The following ELP3 variants were observed in gnomAD, a reference collection of about 807,000 sequenced individuals.
ELP3 encodes the protein elongator acetyltransferase complex subunit 3.
Under a neutral mutation model 74.9 loss-of-function variants are expected in ELP3, and 56 were observed. The observed-to-expected ratio is 0.75, with a 90% CI of 0.60 to 0.93. The LOEUF is 0.93. Ranked by LOEUF, ELP3 falls within the 40% of genes least tolerant of loss-of-function variation. ELP3 has a pLI of 0.00. For missense variants in ELP3, 573 were observed against 686.5 expected (o/e 0.83, Z 1.85); for synonymous variants, 222 against 239.8 (o/e 0.93, Z 0.68).
Position 28,135,010 on chromosome 8 carries a change from C to T in ELP3, c.906+2606C>T, listed in dbSNP as rs557300513. Among the ~76,000 whole-genome samples, 5 of 152,086 alleles carry T rather than the reference C, an allele frequency of 3.3e-5. No homozygotes were observed. The East Asian group carries it at 7.7e-4, about 24-fold the overall frequency. ...ATGGCACGATCTTGGCTCACTGCAA[C>T]CTCTGCCTCCCGGGTTCAAGCAATT... On this transcript the variant is annotated intron_variant, in intron 9 of 14. Coordinates refer to ENST00000256398, the MANE Select transcript of ELP3 (RefSeq NM_018091.6).
At chr8:28,093,503 C>T (rs1174922585) in intron 1 of ELP3, 4 of 549,260 alleles carry the variant, frequency 7.3e-6, no homozygotes, top group Non-Finnish European at 1.3e-5. Flanking sequence ...CAATATATGC[C>T]CTCCGAGGAG....
intron 14 of ELP3, among the ~76,000 whole-genome samples, chr8:28,180,919 C>T (rs1459093815): frequency 6.6e-6 from 1 of 152,168 alleles, no homozygotes; most frequent in Admixed American, 6.5e-5. Context: ...ACGGAAGCAA[C>T]TCTGCCTCTC....
chr8:28,114,341 G>A lies in ELP3; in HGVS notation c.617+1168G>A, dbSNP rs574243911. 1.1e-4 allele frequency among the ~76,000 whole-genome samples: 17 copies of A among 152,198 alleles called. No individual in the cohort carries two copies. In the South Asian group the frequency reaches 3.5e-3, roughly 32 times the overall value. ...TTAATCCATTTGTGTCCCTATAAAG[G>A]AACACCTAAGACTAGGTAAGTTATA... On this transcript the variant is annotated intron_variant, in intron 7 of 14. Coordinates refer to ENST00000256398, the MANE Select transcript of ELP3 (RefSeq NM_018091.6).
intron 14 of ELP3, among the ~76,000 whole-genome samples, chr8:28,184,332 C>T (rs766520004): frequency 3.3e-5 from 5 of 152,144 alleles, no homozygotes; most frequent in Non-Finnish European, 7.3e-5. Flanking sequence ...AGGCCTGCTG[C>T]GTCTTATTGA....
At chr8:28,188,133 C>G (rs978943604) in intron 14 of ELP3, among the ~76,000 whole-genome samples, 6 of 152,132 alleles carry the variant, frequency 3.9e-5, no homozygotes, top group Admixed American at 3.3e-4. Flanking sequence ...TGCTGCTGAT[C>G]GCTCTCCCCG....
chr8:28,116,342 A>G (rs1325043989), intron 7 of ELP3, among the ~76,000 whole-genome samples: 1 of 152,188 alleles, frequency 6.6e-6, no homozygotes, highest in African/African-American at 2.4e-5. Context: ...GCAACAGGTG[A>G]ATTCTGTGTC....
rs565108869 is a variant in ELP3, at chr8:28,120,700, C to T, written c.617+7527C>T. ...AGCTTTCACTTACAGGTTTATGTTC[C>T]ATCTTGAATTAATTCTTATGTGTAA... On this transcript the variant is annotated intron_variant, in intron 7 of 14. Coordinates refer to ENST00000256398, the MANE Select transcript of ELP3 (RefSeq NM_018091.6). 1.4e-3 allele frequency among the ~76,000 whole-genome samples: 216 copies of T among 152,224 alleles called. 2 individuals carry two copies. The highest frequency in any genetic ancestry group is 4.7e-3 in the African/African-American group (195 of 41,536).
At chr8:28,143,197 G>A (rs1813311397) in intron 10 of ELP3, among the ~76,000 whole-genome samples, 2 of 152,182 alleles carry the variant, frequency 1.3e-5, no homozygotes, top group Non-Finnish European at 2.9e-5. Flanking sequence ...GAGATTTCAC[G>A]TTCTAGTCAA....
rs1563249918 is a variant in ELP3 at position 28,106,790 on chromosome 8, A to AT, written c.329+8dup. 6.2e-7 allele frequency: 1 copy of AT among 1,609,190 alleles called. No homozygotes were observed. The highest frequency in any genetic ancestry group is 8.5e-7 in the Non-Finnish European group (1 of 1,177,126). ...TTACAGGAAATATATGTGTGTAAGT[A>AT]TGGTGATTTTATTAAATTGTATGTA... On this transcript the variant is annotated splice_region_variant and intron_variant, in intron 4 of 14. Coordinates refer to ENST00000256398, the MANE Select transcript of ELP3 (RefSeq NM_018091.6).
intron 14 of ELP3, among the ~76,000 whole-genome samples, chr8:28,188,328 C>G (rs1815322694): frequency 1.3e-5 from 2 of 151,772 alleles, no homozygotes; most frequent in African/African-American, 4.8e-5. Flanking sequence ...CTCCTAAAAC[C>G]CTTGTAATTT....
intron 10 of ELP3, among the ~76,000 whole-genome samples, chr8:28,151,635 A>G (rs1813645212): frequency 6.6e-6 from 1 of 152,200 alleles, no homozygotes; most frequent in Admixed American, 6.5e-5. Flanking sequence ...CAGTGAGCCT[A>G]TGCCCCTGGA....
At chr8:28,108,012 G>T (rs749204824) in intron 5 of ELP3, 36 bp downstream of exon 5, 2 of 1,541,474 alleles carry the variant, frequency 1.3e-6, no homozygotes, top group South Asian at 2.2e-5. Context: ...ATGAAATGTT[G>T]CATCATGCTT....
chr8:28,141,897 A>G (rs1028217147), intron 10 of ELP3, among the ~76,000 whole-genome samples: 3 of 152,210 alleles, frequency 2.0e-5, no homozygotes, highest in Non-Finnish European at 4.4e-5. Context: ...ATAGTTAGCA[A>G]TTTCACATCC....
chr8:28,154,144 C>A (rs1340286711), intron 10 of ELP3, among the ~76,000 whole-genome samples: 1 of 152,102 alleles, frequency 6.6e-6, no homozygotes, highest in Non-Finnish European at 1.5e-5. Context: ...TAGTGCTGTC[C>A]ATGAGTTATA....
upstream of ELP3, chr8:28,092,862 T>C (rs1337088671): frequency 7.0e-6 from 2 of 287,668 alleles, no homozygotes; most frequent in Non-Finnish European, 1.3e-5. Context: ...TTCCACCCTT[T>C]CACTTAGGCT....
intron 7 of ELP3, among the ~76,000 whole-genome samples, chr8:28,119,718 C>T (rs994598619): frequency 3.3e-5 from 5 of 149,972 alleles, no homozygotes; most frequent in East Asian, 1.9e-4. Context: ...AGAATGTCAC[C>T]GTCATCCCAG....
chr8:28,115,793 A>G (rs1208302155), intron 7 of ELP3, among the ~76,000 whole-genome samples: 1 of 152,148 alleles, frequency 6.6e-6, no homozygotes, highest in Non-Finnish European at 1.5e-5. Context: ...GTATGTGCAC[A>G]TGTGTGTGCA....
chr8:28,097,804 G>C (rs546330743), intron 2 of ELP3, among the ~76,000 whole-genome samples: 1 of 152,308 alleles, frequency 6.6e-6, no homozygotes, highest in African/African-American at 2.4e-5. Flanking sequence ...TGCATTGTAT[G>C]TATTAGCTCA....
rs10089459 is a variant in ELP3 at position 28,121,327 on chromosome 8, T to A, written c.617+8154T>A. On this transcript the variant is annotated intron_variant, in intron 7 of 14. Transcript: ENST00000256398. ...AAATTTTATTATTATTATTATTATT[T>A]TTTTTTTTTTGAATCGGAGTCTTGC... Among the ~76,000 whole-genome samples, 1,438 of 149,520 alleles carry A rather than the reference T, an allele frequency of 9.6e-3. 26 individuals are homozygous for A. The highest frequency in any genetic ancestry group is 0.032 in the African/African-American group (1,318 of 41,078).
Sources: gnomAD v4.1 joint callset for allele counts (sites outside exome capture counted in the v4.1 genomes callset) on GRCh38, gnomAD v4.1.1 for gene constraint, MANE v1.5 for transcripts, NCBI Gene and HGNC (gene_info 2026-07-23, HGNC 2026-07-21) for gene names.